LOC400499: variants seen among roughly 807,000 people sequenced by gnomAD.
At chr16:11,476,498 C>G in the LOC400499 span, among the ~76,000 whole-genome samples, 1 of 152,124 alleles carries the variant, frequency 6.6e-6, no homozygotes, top group Non-Finnish European at 1.5e-5. Context: ...TCACTCCTCA[C>G]TGCCACACTC....
chr16:11,473,653 G>A, the LOC400499 span, among the ~76,000 whole-genome samples: 2 of 151,942 alleles, frequency 1.3e-5, no homozygotes, highest in African/African-American at 2.4e-5. Flanking sequence ...TACTTGGGAG[G>A]CTGAGGCAGA....
At chr16:11,401,452 T>C in the LOC400499 span, 1 of 399,414 alleles carries the variant, frequency 2.5e-6, no homozygotes, top group Non-Finnish European at 4.4e-6. Flanking sequence ...CCAGACAGAC[T>C]GCACCTCTTT....
At chr16:11,387,388 C>A in the LOC400499 span, 1 of 1,061,510 alleles carries the variant, frequency 9.4e-7, no homozygotes, top group Middle Eastern at 3.5e-4. Flanking sequence ...AGGAAGAGCT[C>A]TGCAGTGGAG....
At chr16:11,450,885 G>A in the LOC400499 span, 1,169,806 of 1,437,418 alleles carry the variant, frequency 0.81, 477,267 homozygotes, top group Admixed American at 0.85. Flanking sequence ...GCAGGCAGCT[G>A]GAGGTCCCGA....
At chr16:11,476,361 A>G in the LOC400499 span, among the ~76,000 whole-genome samples, 1 of 151,940 alleles carries the variant, frequency 6.6e-6, no homozygotes, top group African/African-American at 2.4e-5. Context: ...TCCAGGAAAG[A>G]GCTGAGGGGT....
At chr16:11,414,893 C>G in the LOC400499 span, among the ~76,000 whole-genome samples, 47,359 of 152,116 alleles carry the variant, frequency 0.31, 7,535 homozygotes, top group Non-Finnish European at 0.35. Flanking sequence ...TGACCTCGCT[C>G]ACTTACTTAT....
the LOC400499 span, among the ~76,000 whole-genome samples, chr16:11,524,492 G>T: frequency 1.0e-3 from 156 of 151,848 alleles, no homozygotes; most frequent in Admixed American, 1.8e-3. Flanking sequence ...CCCTCATCCT[G>T]AATGAATCAG....
At chr16:11,456,953 G>A in the LOC400499 span, 2 of 1,536,140 alleles carry the variant, frequency 1.3e-6, no homozygotes, top group Admixed American at 2.0e-5. Flanking sequence ...TCAGGTGACT[G>A]CTGCTCTCCA....
At chr16:11,425,232 C>T in the LOC400499 span, 29 of 399,004 alleles carry the variant, frequency 7.3e-5, no homozygotes, top group Non-Finnish European at 9.7e-5. Context: ...TGCATGGGCC[C>T]GGATGCTGGC....
chr16:11,522,448 T>G, the LOC400499 span, among the ~76,000 whole-genome samples: 1 of 152,022 alleles, frequency 6.6e-6, no homozygotes, highest in African/African-American at 2.4e-5. Context: ...GTCAGGAAAT[T>G]TACCAGCATC....
At chr16:11,461,078 C>T in the LOC400499 span, 60 of 1,535,890 alleles carry the variant, frequency 3.9e-5, 1 homozygote, top group African/African-American at 6.0e-4. Context: ...GCACCCAGGG[C>T]GGCCACCCTC....
the LOC400499 span, chr16:11,411,279 A>T: frequency 2.5e-6 from 1 of 399,296 alleles, no homozygotes; most frequent in Non-Finnish European, 4.4e-6. Flanking sequence ...TGGGGCAGAG[A>T]CCCAGGAGGA....
the LOC400499 span, among the ~76,000 whole-genome samples, chr16:11,403,063 T>G: frequency 5.9e-3 from 899 of 151,132 alleles, 15 homozygotes; most frequent in African/African-American, 0.021. Flanking sequence ...CCCAGGTGAG[T>G]CAAGCTGACC....
the LOC400499 span, chr16:11,401,253 C>T: frequency 5.0e-6 from 2 of 399,182 alleles, no homozygotes; most frequent in Non-Finnish European, 8.8e-6. Context: ...GCGCCTGGGA[C>T]ATCCTCACTC....
chr16:11,438,417 C>T, the LOC400499 span, among the ~76,000 whole-genome samples: 5 of 151,966 alleles, frequency 3.3e-5, no homozygotes, highest in African/African-American at 4.8e-5. Flanking sequence ...GAGCCATTCT[C>T]GGGCTCCATT....
chr16:11,433,906 T>C, the LOC400499 span, among the ~76,000 whole-genome samples: 1 of 152,222 alleles, frequency 6.6e-6, no homozygotes, highest in Non-Finnish European at 1.5e-5. Flanking sequence ...ATATCCTCTA[T>C]AATCAATGAA....
At chr16:11,379,415 C>G in the LOC400499 span, among the ~76,000 whole-genome samples, 26 of 152,346 alleles carry the variant, frequency 1.7e-4, no homozygotes, top group Non-Finnish European at 2.5e-4. Flanking sequence ...ATCATTATCT[C>G]TTATAACAGC....
At chr16:11,514,190 G>A in the LOC400499 span, among the ~76,000 whole-genome samples, 1 of 152,126 alleles carries the variant, frequency 6.6e-6, no homozygotes, top group Non-Finnish European at 1.5e-5. Flanking sequence ...AAAGAGCCTG[G>A]AGAACCTTCT....
At chr16:11,379,343 A>G in the LOC400499 span, among the ~76,000 whole-genome samples, 1 of 152,168 alleles carries the variant, frequency 6.6e-6, no homozygotes, top group Admixed American at 6.5e-5. Context: ...TATATTTAGG[A>G]GCTCTGAGGT....
Sources: gnomAD v4.1 joint callset for allele counts (sites outside exome capture counted in the v4.1 genomes callset) on GRCh38, gnomAD v4.1.1 for gene constraint, MANE v1.5 for transcripts.